ZNF708: variants seen among roughly 807,000 people sequenced by gnomAD.
ZNF708 encodes zinc finger protein 708.
ZNF708 carries 44 observed loss-of-function variants against 47.0 expected under a neutral mutation model. That is an observed-to-expected ratio of 0.94 (90% CI 0.74 to 1.20). The LOEUF (loss-of-function observed/expected upper bound fraction) is 1.20. ZNF708 is among the 50% of genes most tolerant of loss of function. The pLI, the probability that ZNF708 is intolerant of heterozygous loss-of-function variation, is 0.00. For synonymous variants in ZNF708, 184 were observed against 218.5 expected (o/e 0.84, Z 1.39); for missense variants, 557 against 656.0 (o/e 0.85, Z 1.65).
chr19:21,319,710 G>A (rs544849324), intron 1 of ZNF708, among the ~76,000 whole-genome samples: 133 of 152,170 alleles, frequency 8.7e-4, no homozygotes, highest in African/African-American at 3.1e-3. Context: ...TTTTAAAAAT[G>A]CTCATCACTA....
rs1025781336 is a variant in ZNF708, at chr19:21,329,363, G to T, written c.-151C>A. The T allele has an allele frequency of 3.9e-6, 5 of 1,275,308 alleles. No individual in the cohort carries two copies. The highest frequency in any genetic ancestry group is 3.0e-5 in the African/African-American group (2 of 67,168). 79.0% of individuals were successfully genotyped at this position (1,275,308 alleles called of 1,614,324 possible). ...CCGGCTGCAGCAAGAGACAAAGGCC[G>T]CGCCAAACCCGGAAGCCGCCCTGTC... On this transcript the variant is annotated 5_prime_UTR_variant, in exon 1 of 4. Transcript: ENST00000356929.
intron 1 of ZNF708, among the ~76,000 whole-genome samples, chr19:21,322,641 C>G (rs74711277): frequency 0.14 from 21,360 of 152,214 alleles, 1,976 homozygotes; most frequent in Non-Finnish European, 0.21. Context: ...CTCTCTCACC[C>G]TGGGAGAACT....
In ZNF708 at chr19:21,291,588, C is replaced by T. The variant is rs891370977; in HGVS notation, c.*1686G>A. 3 of 152,052 alleles carry T rather than the reference C, an allele frequency of 2.0e-5. No homozygotes were observed. Among genetic ancestry groups the T allele is most frequent in the African/African-American group, 4.8e-5 (2 of 41,402 alleles). 9.4% of individuals were successfully genotyped at this position (152,052 alleles called of 1,614,324 possible). A position where few individuals can be genotyped will look rare whatever the true frequency, so the allele number is the denominator to read the frequency against. On this transcript the variant is annotated 3_prime_UTR_variant, in exon 4 of 4. Transcript: ENST00000356929. ...TCAAGGAAAAAAGAACACTTTGGGC[C>T]GGGCGCTGTGGCTTAAGCCTGTAAT...
intron 1 of ZNF708, 23 bp downstream of exon 1, chr19:21,329,187 G>A (rs1270265436): frequency 6.2e-7 from 1 of 1,611,898 alleles, no homozygotes; most frequent in Non-Finnish European, 8.5e-7. Flanking sequence ...CCCCTCTCTC[G>A]GGATGTCGGA....
intron 3 of ZNF708, among the ~76,000 whole-genome samples, chr19:21,300,844 T>C (rs1424070130): frequency 6.6e-6 from 1 of 151,812 alleles, no homozygotes; most frequent in East Asian, 2.0e-4. Context: ...GTATTTTTAG[T>C]AGAAACAAGG....
rs1239564993 is a variant in ZNF708, at chr19:21,329,301, G to T, written c.-89C>A. On this transcript the variant is annotated 5_prime_UTR_variant, in exon 1 of 4. Transcript: ENST00000356929. ...AGCCACAGAGTCTGGGCCTCTAGGA[G>T]CAGAGGACAAACAGCAGTGAAGACG... The T allele has an allele frequency of 3.2e-6, 5 of 1,573,380 alleles. No individual in the cohort carries two copies. In the East Asian group the frequency reaches 9.1e-5, roughly 29 times the overall value.
chr19:21,296,872 C>T (rs1392136253), intron 3 of ZNF708, among the ~76,000 whole-genome samples: 2 of 151,886 alleles, frequency 1.3e-5, no homozygotes, highest in Non-Finnish European at 2.9e-5. Flanking sequence ...GTGGCTCATG[C>T]CTGTAATCCC....
chr19:21,324,422 C>T (rs1973216707), intron 1 of ZNF708, among the ~76,000 whole-genome samples: 1 of 151,938 alleles, frequency 6.6e-6, no homozygotes, highest in African/African-American at 2.4e-5. Flanking sequence ...ACAAAATTAA[C>T]CAGGTGTGGT....
chr19:21,311,446 G>A (rs1357548145), intron 1 of ZNF708, among the ~76,000 whole-genome samples: 5 of 151,728 alleles, frequency 3.3e-5, no homozygotes, highest in African/African-American at 9.7e-5. Flanking sequence ...TTTATGATGT[G>A]CTAATGCATA....
In ZNF708 at chr19:21,297,316, C is replaced by G. The variant is rs1221181868; in HGVS notation, c.227-2577G>C. 2.7e-5 allele frequency among the ~76,000 whole-genome samples: 3 copies of G among 110,116 alleles called. No homozygotes were observed. The East Asian group carries it at 9.0e-4, about 33-fold the overall frequency. The allele number at this position is 110,116 out of a possible 152,430, so 72.2% of individuals were successfully genotyped here. On this transcript the variant is annotated intron_variant, in intron 3 of 3. Coordinates refer to ENST00000356929, the MANE Select transcript of ZNF708 (RefSeq NM_021269.3). The stretch of plus-strand genomic sequence containing the variant: ...TTTTTTTTTCAGATGGAGTCTCACT[C>G]TGTCGCCCAGGCTGGCATGATCTCA...
At chr19:21,315,154 T>C (rs1972977150) in intron 1 of ZNF708, among the ~76,000 whole-genome samples, 2 of 152,186 alleles carry the variant, frequency 1.3e-5, no homozygotes, top group Non-Finnish European at 2.9e-5. Flanking sequence ...ATTTACAGAA[T>C]TTGCCATCAG....
At chr19:21,307,131 AATAAAATAAAATAAAATAAAATATAAT>A (rs1972795349) in intron 3 of ZNF708, among the ~76,000 whole-genome samples, 2 of 128,032 alleles carry the variant, frequency 1.6e-5, no homozygotes, top group South Asian at 2.5e-4. Flanking sequence ...TAAAATAAAA[AATAAAATAAAATAAAATAAAATATAAT>A]ATAAAATAAA....
intron 3 of ZNF708, among the ~76,000 whole-genome samples, chr19:21,303,010 G>A (rs1972690071): frequency 6.6e-6 from 1 of 152,110 alleles, no homozygotes; most frequent in Non-Finnish European, 1.5e-5. Flanking sequence ...GATGTTGTGA[G>A]GTCAAAGTGG....
chr19:21,321,691 C>CAAAGAAAG (rs199938811), intron 1 of ZNF708, among the ~76,000 whole-genome samples: 19,590 of 141,928 alleles, frequency 0.14, 1,837 homozygotes, highest in Non-Finnish European at 0.21. Flanking sequence ...AAGAAGGAAA[C>CAAAGAAAG]AAAGAAAGAA....
chr19:21,307,177 A>T (rs62107468), intron 3 of ZNF708, among the ~76,000 whole-genome samples: 1 of 148,554 alleles, frequency 6.7e-6, no homozygotes, highest in Non-Finnish European at 1.5e-5. Context: ...AAATAAAATA[A>T]AATACAATAA....
intron 1 of ZNF708, among the ~76,000 whole-genome samples, chr19:21,310,958 T>C (rs1288496068): frequency 6.6e-6 from 1 of 152,202 alleles, no homozygotes; most frequent in Non-Finnish European, 1.5e-5. Context: ...ATTTTTCAGA[T>C]GGAAAAGACA....
chr19:21,326,005 A>G (rs1357693676), intron 1 of ZNF708, among the ~76,000 whole-genome samples: 1 of 152,226 alleles, frequency 6.6e-6, no homozygotes, highest in African/African-American at 2.4e-5. Flanking sequence ...AATCAAAACC[A>G]CAATGCGATA....
intron 1 of ZNF708, among the ~76,000 whole-genome samples, chr19:21,317,903 A>G (rs1973047683): frequency 1.3e-5 from 2 of 152,224 alleles, no homozygotes; most frequent in South Asian, 4.1e-4. Flanking sequence ...GTAGACTCTC[A>G]GTCTCCTACT....
At chr19:21,317,358 C>G (rs559604846) in intron 1 of ZNF708, among the ~76,000 whole-genome samples, 7 of 152,196 alleles carry the variant, frequency 4.6e-5, no homozygotes, top group African/African-American at 1.7e-4. Flanking sequence ...CTGATCTAGC[C>G]TCTCTGGAAG....
Sources: gnomAD v4.1 joint callset for allele counts (sites outside exome capture counted in the v4.1 genomes callset) on GRCh38, gnomAD v4.1.1 for gene constraint, MANE v1.5 for transcripts, NCBI Gene and HGNC (gene_info 2026-07-23, HGNC 2026-07-21) for gene names.